Variants in SLC26A3 observed in about 807,000 individuals in gnomAD.
SLC26A3 encodes solute carrier family 26 member 3.
In SLC26A3, 64 loss-of-function variants were observed where a neutral mutation model predicts 85.6. The ratio of observed to expected loss-of-function variants is 0.75; its 90% CI spans 0.61 to 0.92. The LOEUF (loss-of-function observed/expected upper bound fraction) is 0.92, where lower values mean the gene tolerates loss of function less well. SLC26A3 is among the 40% of genes least tolerant of loss of function. The pLI is 0.00. For synonymous variants in SLC26A3, 349 were observed against 336.0 expected (o/e 1.04, Z -0.42); for missense variants, 922 against 927.3 (o/e 0.99, Z 0.07).
rs1247565356 is a variant in SLC26A3, at chr7:107,789,587, G to T, written c.672C>A (p.Ser224=). 1 of 1,613,932 alleles carries T rather than the reference G, an allele frequency of 6.2e-7. No individual in the cohort carries two copies. Among genetic ancestry groups the T allele is most frequent in the Non-Finnish European group, 8.5e-7 (1 of 1,180,004 alleles). Residue 224 remains serine, a synonymous_variant, in exon 6 of 21, where the codon TCC becomes TCA. Coordinates refer to ENST00000340010, the MANE Select transcript of SLC26A3 (RefSeq NM_000111.3). Reference sequence around the variant, plus strand: ...TCAACTGAAAAATGAATTTGAGTTGGGAAACCAAAACATGAACAGCAGCAG... The same window carrying T: ...TCAACTGAAAAATGAATTTGAGTTGTGAAACCAAAACATGAACAGCAGCAG... The part of the protein sequence containing the change: ...TTAAAVHVLV[S]QLKFIFQLTV...
At position 107,775,019 on chromosome 7, in the gene SLC26A3, T is replaced by C. The variant is rs2894467; in HGVS notation, c.1678-147A>G. 83,580 of 716,472 alleles carry C rather than the reference T, an allele frequency of 0.12. 10,110 individuals carry two copies. Among genetic ancestry groups the C allele is most frequent in the African/African-American group, 0.51 (28,841 of 57,036 alleles). 44.4% of individuals were successfully genotyped at this position (716,472 alleles called of 1,614,324 possible). A position where few individuals can be genotyped will look rare whatever the true frequency, so the allele number is the denominator to read the frequency against. On this transcript the variant is annotated intron_variant, in intron 15 of 20. Transcript: ENST00000340010. ...CAAAATTTAAAAGTGGTTTAAACAA[T>C]ATCAGCCAGAACATTGGGTCAGACC...
In SLC26A3 at chr7:107,767,601, C is replaced by A. The variant is rs766276512; in HGVS notation, c.2249G>T (p.Gly750Val). The change falls in exon 20 of 21, where the codon GGA (glycine) becomes GTA (valine). Residue 750 changes from glycine (G) to valine (V), a missense_variant. By Grantham distance (109) the Gly-to-Val change is moderately radical. Transcript: ENST00000340010. ...KIDFTINTNGGLRNRVYEVPV... is the reference protein window; with the variant it reads ...KIDFTINTNGVLRNRVYEVPV... The stretch of plus-strand genomic sequence containing the variant: ...TACCTCATATACCCGATTACGTAAT[C>A]CTCCATTTGTATTTATGGTAAAATC... 6.2e-7 allele frequency: 1 copy of A among 1,609,220 alleles called. No individual in the cohort carries two copies. The highest frequency in any genetic ancestry group is 8.5e-7 in the Non-Finnish European group (1 of 1,176,034).
Position 107,773,862 on chromosome 7 carries a change from T to C in SLC26A3, c.2007+58A>G, listed in dbSNP as rs1329879104. On this transcript the variant is annotated intron_variant, in intron 17 of 20. Transcript: ENST00000340010. ...CACTGTGCCCAGCCCACAAATACAA[T>C]TTTTTTTTTAACCTTTAGTCATTGA... The C allele has an allele frequency of 1.1e-5, 12 of 1,140,014 alleles. No individual in the cohort carries two copies. The African/African-American group carries it at 1.7e-4, about 16-fold the overall frequency. 70.6% of individuals were successfully genotyped at this position (1,140,014 alleles called of 1,614,324 possible).
chr7:107,778,359 A>AATTTTTTTTTTT, intron 12 of SLC26A3, 78 bp from the exon 13 acceptor site: 4 of 453,044 alleles, frequency 8.8e-6, no homozygotes, highest in Non-Finnish European at 1.4e-5. Context: ...TTTTAAAAAG[A>AATTTTTTTTTTT]CTTTTTTTTT....
At chr7:107,778,396 T>C in intron 12 of SLC26A3, 115 bp from the exon 13 acceptor site, 1 of 647,618 alleles carries the variant, frequency 1.5e-6, no homozygotes, top group East Asian at 2.9e-5. Flanking sequence ...AGTGAGACCT[T>C]GTCCCTATAA....
chr7:107,767,705 G>T (rs888308389), intron 19 of SLC26A3, 61 bp from the exon 20 acceptor site: 1 of 1,608,310 alleles, frequency 6.2e-7, no homozygotes, highest in Non-Finnish European at 8.5e-7. Flanking sequence ...TTGAAAAAGA[G>T]AAATTTAAGG....
intron 12 of SLC26A3, 29 bp downstream of exon 12, chr7:107,779,639 C>T (rs370038027): frequency 6.6e-7 from 1 of 1,524,204 alleles, no homozygotes; most frequent in Non-Finnish European, 9.1e-7. Flanking sequence ...TGATTTATCT[C>T]TCTTTCAAAT....
intron 3 of SLC26A3, among the ~76,000 whole-genome samples, chr7:107,793,179 A>C (rs1794431568): frequency 6.6e-6 from 1 of 152,260 alleles, no homozygotes; most frequent in Admixed American, 6.5e-5. Flanking sequence ...ATAAGTTAGC[A>C]GTTCCACAAA....
At chr7:107,788,928 A>G (rs1794346047) in intron 6 of SLC26A3, among the ~76,000 whole-genome samples, 4 of 150,284 alleles carry the variant, frequency 2.7e-5, no homozygotes, top group African/African-American at 7.3e-5. Flanking sequence ...GACTGCAGAC[A>G]TGCACCACCA....
At chr7:107,766,003 A>C in intron 20 of SLC26A3, 125 bp from the exon 21 acceptor site, 1 of 764,616 alleles carries the variant, frequency 1.3e-6, no homozygotes. Context: ...TTTAATGATC[A>C]AGTACCTTCC....
intron 18 of SLC26A3, among the ~76,000 whole-genome samples, chr7:107,770,000 C>CTCTTTCTT (rs3076030): frequency 0.086 from 11,166 of 130,256 alleles, 609 homozygotes; most frequent in Middle Eastern, 0.17. Context: ...TTCCTTTTTT[C>CTCTTTCTT]TCTTTCTTTC....
rs374148454 is a variant in SLC26A3 at position 107,772,962 on chromosome 7, G to C, written c.2008-854C>G. 2.8e-4 allele frequency among the ~76,000 whole-genome samples: 42 copies of C among 152,292 alleles called. 1 individual carries two copies. The East Asian group carries it at 6.9e-3, about 25-fold the overall frequency. ...GCTGAATAGGTCTTATCTTAGGTCA[G>C]CTCTCACTTGGGCAGATTTTTTGTG... On this transcript the variant is annotated intron_variant, in intron 17 of 20. Transcript: ENST00000340010.
At chr7:107,787,544 A>G (rs1234823733) in intron 6 of SLC26A3, 35 bp from the exon 7 acceptor site, 1 of 1,576,126 alleles carries the variant, frequency 6.3e-7, no homozygotes, top group Non-Finnish European at 8.7e-7. Flanking sequence ...CCAAAGCCCT[A>G]TATTAATGCA....
At position 107,776,457 on chromosome 7, in the gene SLC26A3, C is replaced by T. The variant is rs370246673; in HGVS notation, c.1672G>A (p.Asp558Asn). The part of the protein sequence containing the change: ...NIGFFRRKLI[D>N]AVGFSPLRIL... ...TAAATAACCCCAAACCTTACAGCAT[C>T]GATAAGTTTCCGCCTAAAGAAACCA... The change falls in exon 15 of 21, where the codon GAT becomes AAT. Residue 558 changes from aspartate (D) to asparagine (N), a missense_variant. Physicochemically the swap from Asp to Asn is conservative, Grantham distance 23. Transcript: ENST00000340010. 3.7e-5 allele frequency: 59 copies of T among 1,612,132 alleles called. No homozygotes were observed. The highest frequency in any genetic ancestry group is 3.6e-4 in the African/African-American group (27 of 74,864).
intron 15 of SLC26A3, 44 bp from the exon 16 acceptor site, chr7:107,774,916 T>C: frequency 7.3e-7 from 1 of 1,379,080 alleles, no homozygotes; most frequent in South Asian, 1.2e-5. Flanking sequence ...GAATATTCTG[T>C]TATTTATATA....
chr7:107,799,233 G>A (rs781257024), intron 1 of SLC26A3, among the ~76,000 whole-genome samples: 1 of 152,158 alleles, frequency 6.6e-6, no homozygotes, highest in Non-Finnish European at 1.5e-5. Flanking sequence ...CGAAGATGCT[G>A]AAGAAGGAAG....
At chr7:107,770,824 A>G (rs988997397) in intron 18 of SLC26A3, among the ~76,000 whole-genome samples, 5 of 152,198 alleles carry the variant, frequency 3.3e-5, no homozygotes, top group African/African-American at 9.7e-5. Flanking sequence ...TGGAAGAGAT[A>G]TAGTCTAGTA....
intron 7 of SLC26A3, 134 bp from the exon 8 acceptor site, chr7:107,787,043 T>A: frequency 3.6e-6 from 3 of 842,034 alleles, no homozygotes; most frequent in Non-Finnish European, 5.9e-6. Context: ...TGTTACTTTT[T>A]AAGAAATTCG....
At position 107,770,010 on chromosome 7, in the gene SLC26A3, CT is replaced by C. The variant is rs1793981384; in HGVS notation, c.2062+2043del. Among the ~76,000 whole-genome samples, 11 of 36,776 alleles carry C rather than the reference CT, an allele frequency of 3.0e-4. No homozygotes were observed. The African/African-American group carries it at 3.2e-3, about 11-fold the overall frequency. The allele number at this position is 36,776 out of a possible 152,430, so 24.1% of individuals were successfully genotyped here. On this transcript the variant is annotated intron_variant, in intron 18 of 20. Coordinates refer to ENST00000340010, the MANE Select transcript of SLC26A3 (RefSeq NM_000111.3). The stretch of plus-strand genomic sequence containing the variant: ...CTTCCTTCCTTTTTTCTCTTTCTTT[CT>C]TTCTTTCTTTCTTTCTTTCTTTCTT...
Sources: allele counts gnomAD v4.1 joint callset (sites outside exome capture counted in the v4.1 genomes callset), GRCh38; gene constraint gnomAD v4.1.1; transcripts MANE v1.5; gene names NCBI Gene and HGNC (gene_info 2026-07-23, HGNC 2026-07-21).